The following NEB variants were observed in gnomAD, a reference collection of about 807,000 sequenced individuals.
The protein encoded by NEB is nebulin.
NEB carries 512 observed loss-of-function variants against 952.2 expected under a neutral mutation model. The observed-to-expected ratio is 0.54, with a 90% CI of 0.50 to 0.58. The LOEUF is 0.58. NEB is among the 20% of genes least tolerant of loss of function. The probability of loss-of-function intolerance (pLI) is 0.00; values close to 1 mark genes in which losing one functional copy is unlikely to be tolerated. For missense variants in NEB, 8,428 were observed against 9,231.1 expected (o/e 0.91, Z 3.56); for synonymous variants, 2,900 against 3,149.8 (o/e 0.92, Z 2.66).
chr2:151,611,715 T>C (rs2097974113), intron 78 of NEB, among the ~76,000 whole-genome samples: 1 of 152,238 alleles, frequency 6.6e-6, no homozygotes. Flanking sequence ...CTTTCAAAAG[T>C]GGATTTCCAT....
chr2:151,502,416 CATAA>C (rs2065385138), intron 167 of NEB, among the ~76,000 whole-genome samples: 3 of 150,338 alleles, frequency 2.0e-5, no homozygotes, highest in African/African-American at 7.3e-5. Flanking sequence ...AAGCTGCAAA[CATAA>C]AGAATACATT....
chr2:151,533,965 G>A (rs1207858850), intron 142 of NEB, among the ~76,000 whole-genome samples: 1 of 152,206 alleles, frequency 6.6e-6, no homozygotes, highest in Non-Finnish European at 1.5e-5. Flanking sequence ...AGGTTCTCCA[G>A]AAGAGTAAAG....
intron 130 of NEB, 125 bp downstream of exon 130, chr2:151,549,511 C>T: frequency 1.4e-6 from 1 of 711,544 alleles, no homozygotes; most frequent in Non-Finnish European, 2.5e-6. Flanking sequence ...TCCTCTCCAG[C>T]TCCCATCATT....
rs1477460315 is a variant in NEB, at chr2:151,493,790, T to G, written c.24657A>C (p.Gln8219His). ...TCTAAAATACCGAGCTAAAGTTTTC[T>G]TGATTGCGTTTCACTCTTTCCATCT... is the stretch of plus-strand genomic sequence containing the variant. The part of the protein sequence containing the change: ...TPEMERVKRN[Q>H]ENFSSVLYKE... Residue 8219 changes from glutamine (Q) to histidine (H), a missense_variant, in exon 175 of 182, where the codon CAA becomes CAC. Physicochemically the swap from Gln to His is conservative, Grantham distance 24 (BLOSUM62 0). This residue lies in a region of NEB where 3,374 missense variants were observed against 3,651.5 expected (regional missense o/e 0.92). Coordinates refer to ENST00000397345, the MANE Select transcript of NEB (RefSeq NM_001164508.2). The G allele has an allele frequency of 6.3e-7, 1 of 1,579,330 alleles. No individual in the cohort carries two copies. The highest frequency in any genetic ancestry group is 1.8e-5 in the Admixed American group (1 of 55,252).
intron 110 of NEB, 39 bp downstream of exon 110, chr2:151,569,229 G>C: frequency 3.9e-6 from 6 of 1,531,262 alleles, no homozygotes; most frequent in Non-Finnish European, 5.4e-6. Context: ...TCACTTTCTT[G>C]GGAAATGTAC....
At position 151,546,018 on chromosome 2, in the gene NEB, ACAG is replaced by A. The variant is rs1576983742; in HGVS notation, c.20467-23_20467-21del. ...ATTAGACTTAAAAAAAAAAAAAAAA[ACAG>A]AAATACAAGTTGATTAATCATTTAA... On this transcript the variant is annotated intron_variant, in intron 134 of 181. Transcript: ENST00000397345. 7.5e-6 allele frequency: 10 copies of A among 1,335,362 alleles called. No homozygotes were observed. The highest frequency in any genetic ancestry group is 1.5e-5 in the African/African-American group (1 of 67,364). The allele number at this position is 1,335,362 out of a possible 1,614,324, so 82.7% of individuals were successfully genotyped here.
At position 151,562,692 on chromosome 2, in the gene NEB, T is replaced by C; in HGVS notation, c.18810A>G (p.Arg6270=). 1 of 1,606,276 alleles carries C rather than the reference T, an allele frequency of 6.2e-7. No individual in the cohort carries two copies. Among genetic ancestry groups the C allele is most frequent in the Non-Finnish European group, 8.5e-7 (1 of 1,174,872 alleles). The change falls in exon 120 of 182, where the codon CGA becomes CGG. Residue 6270 remains arginine (R), a synonymous_variant. Coordinates refer to ENST00000397345, the MANE Select transcript of NEB (RefSeq NM_001164508.2). ...CQYILSDLEY[R]HYFHQWTSLL... ...GAGACGTCCACTGGTGGAAATAGTG[T>C]CGATACTCCAGGTCACTGAGGATGT... is the stretch of plus-strand genomic sequence containing the variant.
chr2:151,512,019 CTTTTT>C (rs71403173), intron 161 of NEB, among the ~76,000 whole-genome samples: 1 of 93,566 alleles, frequency 1.1e-5, no homozygotes, highest in Non-Finnish European at 2.0e-5. Flanking sequence ...CCCTCTCACT[CTTTTT>C]TTTTTTTTTT....
rs1488080807 is a variant in NEB at position 151,640,388 on chromosome 2, G to A, written c.8652C>T (p.Ile2884=). The A allele has an allele frequency of 6.2e-7, 1 of 1,613,820 alleles. No individual in the cohort carries two copies. The change falls in exon 61 of 182, where the codon ATC becomes ATT. Residue 2884 remains isoleucine (I), a synonymous_variant. Coordinates refer to ENST00000397345, the MANE Select transcript of NEB (RefSeq NM_001164508.2). ...WTCLPDQSDV[I]HARQAYDLQS... is the part of the protein sequence containing the mutation. ...GGAGGTCATAGGCCTGCCGAGCATGGATGACGTCGCTCTGGTCGGGCAGGC... is the reference window on the plus strand; with the variant it reads ...GGAGGTCATAGGCCTGCCGAGCATGAATGACGTCGCTCTGGTCGGGCAGGC...
Position 151,654,720 on chromosome 2 carries a change from C to T in NEB, c.6807+550G>A, listed in dbSNP as rs180827597. Among the ~76,000 whole-genome samples the T allele has an allele frequency of 1.1e-3, 168 of 152,260 alleles. 1 individual carries two copies. The highest frequency in any genetic ancestry group is 3.7e-3 in the African/African-American group (155 of 41,548). On this transcript the variant is annotated intron_variant, in intron 51 of 181. Transcript: ENST00000397345. ...TCATGGCAATCCAATGTCATAGGCA[C>T]TTTTATGGTCCCAATTTTAGGGATG...
intron 48 of NEB, among the ~76,000 whole-genome samples, chr2:151,657,530 C>T (rs1017729593): frequency 2.6e-5 from 4 of 152,222 alleles, no homozygotes; most frequent in Non-Finnish European, 4.4e-5. Context: ...ATCAAGCCAC[C>T]GATAGTTTAA....
intron 10 of NEB, among the ~76,000 whole-genome samples, chr2:151,712,908 GA>G (rs1178752306): frequency 2.0e-5 from 3 of 151,798 alleles, no homozygotes; most frequent in Non-Finnish European, 4.4e-5. Flanking sequence ...AGGTTAGGGG[GA>G]AACCTTTCTC....
At chr2:151,649,757 T>C (rs568203312) in intron 54 of NEB, among the ~76,000 whole-genome samples, 195 of 152,326 alleles carry the variant, frequency 1.3e-3, no homozygotes, top group Middle Eastern at 0.01. Flanking sequence ...TTTATCCTGA[T>C]TCAGCTAAAC....
chr2:151,636,050 T>A (rs1275114861), intron 64 of NEB, among the ~76,000 whole-genome samples, 177 bp downstream of exon 64: 1 of 152,226 alleles, frequency 6.6e-6, no homozygotes, highest in Non-Finnish European at 1.5e-5. Flanking sequence ...AGGTTACAGA[T>A]CCCTCTTATA....
At chr2:151,499,188 GAC>G (rs2062568145) in intron 169 of NEB, 108 bp downstream of exon 169, 2 of 565,874 alleles carry the variant, frequency 3.5e-6, no homozygotes, top group Non-Finnish European at 6.0e-6. Flanking sequence ...TTGGGAAAAA[GAC>G]AGGTCAAATT....
intron 161 of NEB, among the ~76,000 whole-genome samples, chr2:151,512,019 CTTTTTTTTTTTTTTTTTTTT>C (rs71403173): frequency 1.5e-4 from 14 of 93,568 alleles, no homozygotes; most frequent in African/African-American, 6.0e-4. Flanking sequence ...CCCTCTCACT[CTTTTTTTTTTTTTTTTTTTT>C]TTTTTTTTTG....
At chr2:151,688,763 A>C (rs1178545435) in intron 24 of NEB, among the ~76,000 whole-genome samples, 1 of 152,228 alleles carries the variant, frequency 6.6e-6, no homozygotes, top group East Asian at 1.9e-4. Context: ...ATTATAACAA[A>C]ACTGTAATAA....
chr2:151,566,137 T>C (rs2096375766), intron 114 of NEB, among the ~76,000 whole-genome samples: 1 of 152,224 alleles, frequency 6.6e-6, no homozygotes, highest in African/African-American at 2.4e-5. Flanking sequence ...TATTTTCTGC[T>C]ATCGTCATAA....
intron 78 of NEB, 27 bp from the exon 79 acceptor site, chr2:151,610,893 G>T: frequency 6.9e-7 from 1 of 1,441,118 alleles, no homozygotes; most frequent in Non-Finnish European, 9.5e-7. Flanking sequence ...CATGGGGCAT[G>T]GGGAGAGGGA....
Sources: allele counts gnomAD v4.1 joint callset (sites outside exome capture counted in the v4.1 genomes callset), GRCh38; gene constraint gnomAD v4.1.1; regional missense constraint gnomAD v4.1.1; transcripts MANE v1.5; gene names NCBI Gene and HGNC (gene_info 2026-07-23, HGNC 2026-07-21).